The following DCDC2 variants were observed in gnomAD, a reference collection of about 807,000 sequenced individuals.
DCDC2 encodes doublecortin domain containing 2.
A neutral mutation model predicts 50.2 loss-of-function variants in DCDC2; 40 were observed. The ratio of observed to expected loss-of-function variants is 0.80; its 90% CI spans 0.62 to 1.04. DCDC2 has a LOEUF of 1.04. Ranked by LOEUF, DCDC2 falls within the 50% of genes least tolerant of loss-of-function variation. The pLI, the probability that DCDC2 is intolerant of heterozygous loss-of-function variation, is 0.00. For synonymous variants in DCDC2, 234 were observed against 210.6 expected, an observed-to-expected ratio of 1.11 and a Z score of -0.96; for missense variants, 570 against 581.9, an observed-to-expected ratio of 0.98 and a Z score of 0.21.
At chr6:24,270,792 A>T (rs1437167069) in intron 7 of DCDC2, among the ~76,000 whole-genome samples, 1 of 152,180 alleles carries the variant, frequency 6.6e-6, no homozygotes, top group Non-Finnish European at 1.5e-5. Context: ...CCTTCCTCAG[A>T]TTCCAGGATG....
chr6:24,362,653 A>G (rs79684928), upstream of DCDC2, among the ~76,000 whole-genome samples: 1,372 of 152,256 alleles, frequency 9.0e-3, 23 homozygotes, highest in African/African-American at 0.03. Context: ...CCAGGCACAC[A>G]ATTCTCCTGA....
intron 7 of DCDC2, among the ~76,000 whole-genome samples, chr6:24,240,889 A>C (rs1426829534): frequency 6.6e-6 from 1 of 152,236 alleles, no homozygotes; most frequent in Non-Finnish European, 1.5e-5. Context: ...TATTATAACA[A>C]GATAATGGGC....
At position 24,324,894 on chromosome 6, in the gene DCDC2, CAAAG is replaced by C. The variant is rs1310037375; in HGVS notation, c.349-22854_349-22851del. Among the ~76,000 whole-genome samples the C allele has an allele frequency of 4.8e-5, 7 of 145,100 alleles. No individual in the cohort carries two copies. The East Asian group carries it at 9.9e-4, about 21-fold the overall frequency. ...CAAGAGCTTGTCTAAAAAAAAAAAA[CAAAG>C]AAAGACAGAAAAGAAAGAAAGAAAA... is the stretch of plus-strand genomic sequence containing the variant. On this transcript the variant is annotated intron_variant, in intron 2 of 9. Transcript: ENST00000378454.
intron 2 of DCDC2, among the ~76,000 whole-genome samples, chr6:24,345,119 C>T (rs1389620693): frequency 6.6e-6 from 1 of 152,166 alleles, no homozygotes; most frequent in African/African-American, 2.4e-5. Flanking sequence ...CAGTAGTTCG[C>T]TCTTTGAAGC....
intron 2 of DCDC2, among the ~76,000 whole-genome samples, chr6:24,317,092 T>C (rs942317884): frequency 2.2e-4 from 33 of 152,054 alleles, no homozygotes; most frequent in African/African-American, 7.7e-4. Flanking sequence ...TGCATACATC[T>C]GTATTTACAG....
intron 7 of DCDC2, among the ~76,000 whole-genome samples, chr6:24,270,938 C>G (rs1763222763): frequency 6.6e-6 from 1 of 152,032 alleles, no homozygotes; most frequent in African/African-American, 2.4e-5. Context: ...AGGTTCAGAC[C>G]TGGCAGGGCA....
intron 7 of DCDC2, among the ~76,000 whole-genome samples, chr6:24,256,106 G>A (rs1178505306): frequency 1.3e-5 from 2 of 152,060 alleles, no homozygotes; most frequent in African/African-American, 4.8e-5. Flanking sequence ...ATAACTTCCA[G>A]TAAAAGAAAC....
chr6:24,382,701 T>C, the DCDC2 span, among the ~76,000 whole-genome samples: 1 of 152,206 alleles, frequency 6.6e-6, no homozygotes, highest in South Asian at 2.1e-4. Context: ...ACTGACAGGC[T>C]AAATTTCTCC....
rs567971492 is a variant in DCDC2, at chr6:24,272,135, A to G, written c.922+5914T>C. On this transcript the variant is annotated intron_variant, in intron 7 of 9. Coordinates refer to ENST00000378454, the MANE Select transcript of DCDC2 (RefSeq NM_016356.5). ...TTTTACTCCACTCAAATTGAGCCAT[A>G]CGTCTTACTAGTATTCAGCCCACTT... is the stretch of plus-strand genomic sequence containing the variant. Among the ~76,000 whole-genome samples the G allele has an allele frequency of 9.2e-5, 14 of 152,120 alleles. No individual in the cohort carries two copies. In the South Asian group the frequency reaches 2.5e-3, roughly 27 times the overall value.
At chr6:24,335,110 C>CT (rs1300713770) in intron 2 of DCDC2, among the ~76,000 whole-genome samples, 1 of 152,162 alleles carries the variant, frequency 6.6e-6, no homozygotes, top group Non-Finnish European at 1.5e-5. Flanking sequence ...AACTATCAGT[C>CT]ATCTCAACCC....
chr6:24,289,725 T>G (rs908883523), intron 5 of DCDC2, among the ~76,000 whole-genome samples: 2 of 152,194 alleles, frequency 1.3e-5, no homozygotes, highest in African/African-American at 4.8e-5. Context: ...ACACCACCCC[T>G]GAAATTCCAC....
chr6:24,225,394 G>T (rs1275159447), intron 7 of DCDC2, among the ~76,000 whole-genome samples: 2 of 152,022 alleles, frequency 1.3e-5, no homozygotes, highest in Non-Finnish European at 2.9e-5. Flanking sequence ...AGAAAAACAT[G>T]CAGTTAAACT....
chr6:24,338,206 A>AACACATATC (rs1760092475), intron 2 of DCDC2, among the ~76,000 whole-genome samples: 2 of 152,224 alleles, frequency 1.3e-5, no homozygotes, highest in Non-Finnish European at 2.9e-5. Context: ...ACACTGACTA[A>AACACATATC]ACACATATCA....
chr6:24,213,971 T>C (rs1028138064), intron 7 of DCDC2, among the ~76,000 whole-genome samples: 5 of 152,160 alleles, frequency 3.3e-5, no homozygotes, highest in African/African-American at 1.2e-4. Context: ...AATGTCCAAA[T>C]TTTTTTAATC....
At chr6:24,196,917 C>T (rs570175156) in intron 8 of DCDC2, among the ~76,000 whole-genome samples, 2 of 152,316 alleles carry the variant, frequency 1.3e-5, no homozygotes, top group Non-Finnish European at 2.9e-5. Context: ...TTTCTCCACA[C>T]TTTTAGTTTT....
At chr6:24,342,415 C>T (rs192145510) in intron 2 of DCDC2, among the ~76,000 whole-genome samples, 1 of 152,178 alleles carries the variant, frequency 6.6e-6, no homozygotes, top group South Asian at 2.1e-4. Context: ...GGTGTCAATA[C>T]GGACTGCTGC....
intron 2 of DCDC2, among the ~76,000 whole-genome samples, chr6:24,345,721 T>G (rs1760242643): frequency 6.6e-6 from 1 of 152,228 alleles, no homozygotes; most frequent in African/African-American, 2.4e-5. Context: ...TAGGTGAGCT[T>G]GACCTTCTGC....
intron 6 of DCDC2, among the ~76,000 whole-genome samples, chr6:24,279,180 T>C (rs1411963722): frequency 2.0e-5 from 3 of 152,302 alleles, no homozygotes; most frequent in South Asian, 2.1e-4. Context: ...AAGGAACAGC[T>C]GTGCTGATAC....
chr6:24,265,739 G>T (rs557845048), intron 7 of DCDC2, among the ~76,000 whole-genome samples: 1 of 151,754 alleles, frequency 6.6e-6, no homozygotes, highest in South Asian at 2.1e-4. Context: ...GACATAAAAT[G>T]TATGGGATAT....
Sources: gnomAD v4.1 joint callset for allele counts (sites outside exome capture counted in the v4.1 genomes callset) on GRCh38, gnomAD v4.1.1 for gene constraint, MANE v1.5 for transcripts, NCBI Gene and HGNC (gene_info 2026-07-23, HGNC 2026-07-21) for gene names.